Variants in PLEKHH2 observed in about 807,000 individuals in gnomAD.
PLEKHH2 encodes the protein pleckstrin homology domain-containing family H member 2.
PLEKHH2 carries 129 observed loss-of-function variants against 187.9 expected under a neutral mutation model. The ratio of observed to expected loss-of-function variants is 0.69; its 90% confidence interval spans 0.59 to 0.79. PLEKHH2 has a LOEUF of 0.79. PLEKHH2 is among the 30% of genes least tolerant of loss of function. The pLI is 0.00. For missense variants in PLEKHH2, 2,076 were observed against 1,751.2 expected (o/e 1.19, Z -3.31); for synonymous variants, 686 against 605.6 (o/e 1.13, Z -1.95).
At chr2:43,685,454 G>A (rs1038746271) in intron 3 of PLEKHH2, among the ~76,000 whole-genome samples, 35 of 152,164 alleles carry the variant, frequency 2.3e-4, no homozygotes, top group African/African-American at 8.2e-4. Flanking sequence ...TTGAGACAGG[G>A]TCTTGCTCTG....
At position 43,717,392 on chromosome 2, in the gene PLEKHH2, T is replaced by C. The variant is rs189080362; in HGVS notation, c.2461-3277T>C. Reference sequence around the variant, plus strand: ...AAGATTGTGCCACTGTGCTTCAGACTGGGCAACTGAGTGAGACTCCACCTC... The same window carrying C: ...AAGATTGTGCCACTGTGCTTCAGACCGGGCAACTGAGTGAGACTCCACCTC... On this transcript the variant is annotated intron_variant, in intron 15 of 29. Transcript: ENST00000282406. Among the ~76,000 whole-genome samples the C allele has an allele frequency of 1.1e-4, 16 of 151,428 alleles. No homozygotes were observed. The East Asian group carries it at 2.5e-3, about 24-fold the overall frequency.
chr2:43,712,446 A>G, intron 15 of PLEKHH2, 63 bp downstream of exon 15: 1 of 1,530,256 alleles, frequency 6.5e-7, no homozygotes, highest in East Asian at 2.3e-5. Context: ...ATGATCGCTG[A>G]AAATGGGATG....
intron 2 of PLEKHH2, among the ~76,000 whole-genome samples, chr2:43,664,003 G>A (rs1258859703): frequency 8.9e-6 from 1 of 112,516 alleles, no homozygotes; most frequent in Non-Finnish European, 1.9e-5. Context: ...TTGGTGCAGA[G>A]ATGAGTTCAA....
At chr2:43,749,719 G>A (rs1292828033) in intron 24 of PLEKHH2, among the ~76,000 whole-genome samples, 4 of 152,212 alleles carry the variant, frequency 2.6e-5, no homozygotes, top group Admixed American at 1.3e-4. Flanking sequence ...GTGCTTTGCC[G>A]GTGTTTATAA....
chr2:43,679,077 A>G, intron 3 of PLEKHH2, 152 bp downstream of exon 3: 1 of 485,312 alleles, frequency 2.1e-6, no homozygotes, highest in Non-Finnish European at 3.6e-6. Context: ...GGAGAATCTA[A>G]CTCTATTTTG....
chr2:43,751,199 G>A (rs906042103), intron 24 of PLEKHH2, among the ~76,000 whole-genome samples: 1 of 152,226 alleles, frequency 6.6e-6, no homozygotes, highest in African/African-American at 2.4e-5. Flanking sequence ...TCGTTACCAT[G>A]AGTATGACGC....
chr2:43,746,982 G>A (rs946156965), intron 24 of PLEKHH2, among the ~76,000 whole-genome samples: 3 of 151,356 alleles, frequency 2.0e-5, no homozygotes, highest in South Asian at 2.1e-4. Context: ...AAAAAAAAAA[G>A]AGGAGATACC....
intron 3 of PLEKHH2, among the ~76,000 whole-genome samples, chr2:43,682,889 A>T (rs1382725340): frequency 1.3e-5 from 2 of 152,074 alleles, no homozygotes; most frequent in African/African-American, 4.8e-5. Flanking sequence ...TCCACGTTGT[A>T]GCATGTGTCA....
At chr2:43,655,599 G>A (rs1666713897) in intron 2 of PLEKHH2, among the ~76,000 whole-genome samples, 1 of 152,170 alleles carries the variant, frequency 6.6e-6, no homozygotes, top group Non-Finnish European at 1.5e-5. Context: ...AAAATGGCAG[G>A]CAACCAGAAA....
rs1668023518 is a variant in PLEKHH2 at position 43,679,002 on chromosome 2, C to A, written c.186+77C>A. The A allele has an allele frequency of 4.3e-6, 4 of 931,394 alleles. No individual in the cohort carries two copies. The South Asian group carries it at 4.6e-5, about 11-fold the overall frequency. 57.7% of individuals were successfully genotyped at this position (931,394 alleles called of 1,614,324 possible). On this transcript the variant is annotated intron_variant, in intron 3 of 29. Coordinates refer to ENST00000282406, the MANE Select transcript of PLEKHH2 (RefSeq NM_172069.4). ...GATTGTTTTGCTCATAATGGAAAGA[C>A]AATTATCAGCCCACCTCTACATCTT... is the stretch of plus-strand genomic sequence containing the variant.
intron 2 of PLEKHH2, among the ~76,000 whole-genome samples, chr2:43,672,689 G>C (rs1424352844): frequency 6.6e-6 from 1 of 152,154 alleles, no homozygotes; most frequent in South Asian, 2.1e-4. Flanking sequence ...CCCTCTAAGG[G>C]AGCAGAATTA....
chr2:43,675,049 C>CA (rs765712969), intron 2 of PLEKHH2: 54 of 186,326 alleles, frequency 2.9e-4, no homozygotes, highest in Non-Finnish European at 4.8e-4. Flanking sequence ...ATGGTGGCAA[C>CA]AAATGTTCTA....
rs1338746416 is a variant in PLEKHH2 at position 43,704,009 on chromosome 2, C to T, written c.1679C>T (p.Ser560Leu). 6.6e-7 allele frequency: 1 copy of T among 1,522,066 alleles called. No homozygotes were observed. The highest frequency in any genetic ancestry group is 1.1e-5 in the South Asian group (1 of 89,468). The allele number at this position is 1,522,066 out of a possible 1,614,324, so 94.3% of individuals were successfully genotyped here. A position where few individuals can be genotyped will look rare whatever the true frequency, so the allele number is the denominator to read the frequency against. The change falls in exon 9 of 30, where the codon TCA becomes TTA. Residue 560 changes from serine (S) to leucine (L), a missense_variant. Ser to Leu is a moderately radical substitution (Grantham distance 145). Coordinates refer to ENST00000282406, the MANE Select transcript of PLEKHH2 (RefSeq NM_172069.4). ...WESRIYAVAKSGIRMSEAFNM... is the reference protein window; with the variant it reads ...WESRIYAVAKLGIRMSEAFNM... ...AGCAGAATTTATGCTGTAGCCAAAT[C>T]AGGTATTCGAATGTCTGAGGCCTTC...
chr2:43,670,623 ATT>A (rs70965313), intron 2 of PLEKHH2, among the ~76,000 whole-genome samples: 48,563 of 149,810 alleles, frequency 0.32, 8,335 homozygotes, highest in Non-Finnish European at 0.39. Context: ...GAATATTCTA[ATT>A]TTTTTTTTTT....
Position 43,764,284 on chromosome 2 carries a change from T to C in PLEKHH2, c.4215T>C (p.Asp1405=). 6.3e-7 allele frequency: 1 copy of C among 1,595,756 alleles called. No individual in the cohort carries two copies. Among genetic ancestry groups the C allele is most frequent in the East Asian group, 2.2e-5 (1 of 44,476 alleles). Residue 1405 remains aspartate (D), a synonymous_variant, in exon 29 of 30, where the codon GAT becomes GAC. Coordinates refer to ENST00000282406, the MANE Select transcript of PLEKHH2 (RefSeq NM_172069.4). ...TAATGACCTTTGGAGGCTATCAAGA[T>C]GATTTTATGGTAGTCATTAACAATA... The part of the protein sequence containing the change: ...KSLMTFGGYQ[D]DFMVVINNTH...
intron 24 of PLEKHH2, among the ~76,000 whole-genome samples, chr2:43,746,580 A>G (rs941029088): frequency 6.6e-6 from 1 of 152,106 alleles, no homozygotes; most frequent in East Asian, 1.9e-4. Flanking sequence ...TACAGAAAAA[A>G]ATAGTTGCTC....
At chr2:43,762,465 G>T in intron 28 of PLEKHH2, 75 bp downstream of exon 28, 1 of 1,139,598 alleles carries the variant, frequency 8.8e-7, no homozygotes, top group Admixed American at 1.8e-5. Context: ...AGAAAGTAAT[G>T]ATATCTTAAT....
intron 23 of PLEKHH2, among the ~76,000 whole-genome samples, chr2:43,744,888 GAAAAA>G (rs1476902780): frequency 7.2e-6 from 1 of 138,164 alleles, no homozygotes; most frequent in Non-Finnish European, 1.6e-5. Context: ...AAAAAAAAAA[GAAAAA>G]GAAAAGAAAG....
intron 27 of PLEKHH2, among the ~76,000 whole-genome samples, chr2:43,761,195 A>G (rs1672414741): frequency 6.6e-6 from 1 of 152,150 alleles, no homozygotes; most frequent in Non-Finnish European, 1.5e-5. Context: ...CATTCATTCC[A>G]GTTTTATATC....
Sources: gnomAD v4.1 joint callset for allele counts (sites outside exome capture counted in the v4.1 genomes callset) on GRCh38, gnomAD v4.1.1 for gene constraint, MANE v1.5 for transcripts, NCBI Gene and HGNC (gene_info 2026-07-23, HGNC 2026-07-21) for gene names.